Variants in ROBO1 observed in about 807,000 individuals in gnomAD.
ROBO1 encodes roundabout homolog 1.
In ROBO1, 149 loss-of-function variants were observed where a neutral mutation model predicts 195.9. That is an observed-to-expected ratio of 0.76 (90% CI 0.67 to 0.87). The LOEUF is 0.87. ROBO1 is among the 40% of genes least tolerant of loss of function. The probability of loss-of-function intolerance (pLI) is 0.00; values close to 1 mark genes in which losing one functional copy is unlikely to be tolerated. For missense variants in ROBO1, 1,933 were observed against 2,068.3 expected (o/e 0.93, Z 1.27); for synonymous variants, 816 against 733.2 (o/e 1.11, Z -1.82).
intron 4 of ROBO1, among the ~76,000 whole-genome samples, chr3:78,787,783 C>G (rs2083881489): frequency 6.6e-6 from 1 of 152,012 alleles, no homozygotes; most frequent in Non-Finnish European, 1.5e-5. Context: ...GACCCCGTCT[C>G]TCCAAAAAAC....
intron 2 of ROBO1, among the ~76,000 whole-genome samples, chr3:79,127,906 C>A (rs764424362): frequency 6.6e-6 from 1 of 152,108 alleles, no homozygotes; most frequent in South Asian, 2.1e-4. Context: ...TCTCTAAAGT[C>A]CATTCAATCT....
intron 4 of ROBO1, among the ~76,000 whole-genome samples, chr3:78,791,593 GA>G (rs1177198874): frequency 6.6e-6 from 1 of 152,136 alleles, no homozygotes; most frequent in Non-Finnish European, 1.5e-5. Flanking sequence ...TTCTTAAAAA[GA>G]GACTGAAATT....
In ROBO1 at chr3:79,174,725, G is replaced by A. The variant is rs960771248; in HGVS notation, c.89-49186C>T. On this transcript the variant is annotated intron_variant, in intron 2 of 30. Transcript: ENST00000464233. ...AAAAATACAAAAAAAAAAACTGGTC[G>A]GTCATGTGTGGTCGCAGCTACTCAA... 4.0e-5 allele frequency among the ~76,000 whole-genome samples: 6 copies of A among 151,790 alleles called. No homozygotes were observed. In the East Asian group the frequency reaches 7.8e-4, roughly 20 times the overall value.
At chr3:79,411,477 G>T (rs1575788590) in intron 2 of ROBO1, among the ~76,000 whole-genome samples, 1 of 152,230 alleles carries the variant, frequency 6.6e-6, no homozygotes, top group African/African-American at 2.4e-5. Flanking sequence ...CAGAGTCTCT[G>T]TAATATTTGC....
At chr3:79,091,668 G>T (rs557596086) in intron 3 of ROBO1, among the ~76,000 whole-genome samples, 24 of 151,604 alleles carry the variant, frequency 1.6e-4, no homozygotes, top group Non-Finnish European at 3.1e-4. Context: ...AGAGTAGCTT[G>T]CATTTTAATT....
chr3:79,309,337 G>A lies in ROBO1; in HGVS notation c.89-183798C>T, dbSNP rs79715082. 3.4e-3 allele frequency among the ~76,000 whole-genome samples: 522 copies of A among 152,286 alleles called. 2 individuals carry two copies. The highest frequency in any genetic ancestry group is 0.016 in the South Asian group (77 of 4,830). On this transcript the variant is annotated intron_variant, in intron 2 of 30. Transcript: ENST00000464233. ...TAATCCAAGCACTTTGGGAGGCCAA[G>A]GTGGGCAGAAGGCTTGAGCTCAGAA...
At chr3:79,122,519 G>A (rs1190711331) in intron 3 of ROBO1, among the ~76,000 whole-genome samples, 2 of 151,848 alleles carry the variant, frequency 1.3e-5, no homozygotes, top group Admixed American at 1.3e-4. Flanking sequence ...AGATTAGAAT[G>A]GTATATGATA....
chr3:79,128,627 T>C (rs1289948519), intron 2 of ROBO1, among the ~76,000 whole-genome samples: 3 of 152,072 alleles, frequency 2.0e-5, no homozygotes, highest in African/African-American at 7.2e-5. Flanking sequence ...TAAGGCATCT[T>C]TCAATATAAA....
intron 2 of ROBO1, among the ~76,000 whole-genome samples, chr3:79,166,562 T>C (rs1301267788): frequency 7.0e-6 from 1 of 143,356 alleles, no homozygotes; most frequent in South Asian, 2.2e-4. Context: ...CTATTTTTCT[T>C]TTTTTTTTTT....
intron 2 of ROBO1, among the ~76,000 whole-genome samples, chr3:79,270,799 C>T (rs746074848): frequency 6.6e-6 from 1 of 151,810 alleles, no homozygotes; most frequent in Non-Finnish European, 1.5e-5. Context: ...ACTTCCCTGG[C>T]CACAATGTTT....
intron 3 of ROBO1, among the ~76,000 whole-genome samples, chr3:78,951,869 CT>C (rs2040810090): frequency 6.6e-6 from 1 of 152,048 alleles, no homozygotes; most frequent in African/African-American, 2.4e-5. Context: ...CTGCTTCCCC[CT>C]CTGAGAGGTC....
chr3:78,602,045 A>AGT (rs10542402), intron 29 of ROBO1, among the ~76,000 whole-genome samples: 3,162 of 149,984 alleles, frequency 0.021, 104 homozygotes, highest in African/African-American at 0.074. Flanking sequence ...CATGTGTGTG[A>AGT]GTGTGTGTGT....
chr3:79,366,210 C>G (rs1042289868), intron 2 of ROBO1, among the ~76,000 whole-genome samples: 1 of 152,040 alleles, frequency 6.6e-6, no homozygotes, highest in Admixed American at 6.5e-5. Context: ...TTAGGGTGAT[C>G]GAATAATGGA....
rs985547829 is a variant in ROBO1 at position 78,688,631 on chromosome 3, T to A, written c.1170+17A>T. The A allele has an allele frequency of 3.2e-6, 5 of 1,551,262 alleles. No individual in the cohort carries two copies. The highest frequency in any genetic ancestry group is 1.4e-5 in the African/African-American group (1 of 71,462). ...TCTTTGCTGATTTAAAAAAAAAAAG[T>A]TAGAAAAAGGTGGTACCTGACTCCC... On this transcript the variant is annotated intron_variant, in intron 9 of 30. Coordinates refer to ENST00000464233, the MANE Select transcript of ROBO1 (RefSeq NM_002941.4).
intron 3 of ROBO1, among the ~76,000 whole-genome samples, chr3:79,008,930 T>TGTGTGA (rs2108194753): frequency 7.0e-6 from 1 of 143,882 alleles, no homozygotes; most frequent in South Asian, 2.2e-4. Context: ...TGTGTGTGTG[T>TGTGTGA]ATGGTTTTGT....
At chr3:78,889,416 C>CT (rs34565936) in intron 4 of ROBO1, among the ~76,000 whole-genome samples, 1 of 152,122 alleles carries the variant, frequency 6.6e-6, no homozygotes, top group Non-Finnish European at 1.5e-5. Flanking sequence ...ACCAACTTGA[C>CT]TTTTTTAGAG....
At chr3:79,544,648 A>C (rs1942196423) in intron 2 of ROBO1, among the ~76,000 whole-genome samples, 1 of 152,028 alleles carries the variant, frequency 6.6e-6, no homozygotes, top group Non-Finnish European at 1.5e-5. Context: ...GTTTATAAAA[A>C]TTTTTGTATA....
At chr3:79,259,365 C>T (rs993094653) in intron 2 of ROBO1, among the ~76,000 whole-genome samples, 1 of 152,050 alleles carries the variant, frequency 6.6e-6, no homozygotes, top group East Asian at 1.9e-4. Flanking sequence ...GTCTCAAACT[C>T]CTGGGCTCAA....
chr3:78,598,663 TG>T lies in ROBO1; in HGVS notation c.*249del. 1 of 334,620 alleles carries T rather than the reference TG, an allele frequency of 3.0e-6. No individual in the cohort carries two copies. The highest frequency in any genetic ancestry group is 4.5e-5 in the East Asian group (1 of 22,126). The allele number at this position is 334,620 out of a possible 1,614,324, so 20.7% of individuals were successfully genotyped here. A position where few individuals can be genotyped will look rare whatever the true frequency, so the allele number is the denominator to read the frequency against. On this transcript the variant is annotated 3_prime_UTR_variant, in exon 31 of 31. Coordinates refer to ENST00000464233, the MANE Select transcript of ROBO1 (RefSeq NM_002941.4). Reference sequence around the variant, plus strand: ...CAAGAAGTCAAAGCACTTTGCTTGCTGGAAGTAAGGTATAATGGTTTGCTCC... The same window carrying T: ...CAAGAAGTCAAAGCACTTTGCTTGCTGAAGTAAGGTATAATGGTTTGCTCC...
Sources: gnomAD v4.1 joint callset for allele counts (sites outside exome capture counted in the v4.1 genomes callset) on GRCh38, gnomAD v4.1.1 for gene constraint, MANE v1.5 for transcripts, NCBI Gene and HGNC (gene_info 2026-07-23, HGNC 2026-07-21) for gene names.